The following LRRC49 variants were observed in gnomAD, a reference collection of about 807,000 sequenced individuals.
LRRC49 encodes leucine-rich repeat-containing protein 49.
Under a neutral mutation model 83.3 loss-of-function variants are expected in LRRC49, and 50 were observed. The ratio of observed to expected loss-of-function variants is 0.60; its 90% confidence interval spans 0.48 to 0.76. The LOEUF is 0.76. LRRC49 is among the 30% of genes least tolerant of loss of function. The pLI, the probability that LRRC49 is intolerant of heterozygous loss-of-function variation, is 0.00. For missense variants in LRRC49, 704 were observed against 809.1 expected (o/e 0.87, Z 1.58); for synonymous variants, 286 against 283.3 (o/e 1.01, Z -0.10).
intron 9 of LRRC49, among the ~76,000 whole-genome samples, chr15:70,971,050 T>C (rs2036977394): frequency 6.6e-6 from 1 of 152,222 alleles, no homozygotes. Flanking sequence ...TGCTCTTGCT[T>C]CTCTAATTCT....
intron 1 of LRRC49, among the ~76,000 whole-genome samples, chr15:70,867,680 C>T (rs1534615): frequency 0.53 from 80,808 of 152,046 alleles, 22,557 homozygotes; most frequent in Admixed American, 0.69. Context: ...TGCCATGGGC[C>T]TAACAGTCCT....
intron 2 of LRRC49, among the ~76,000 whole-genome samples, chr15:70,884,631 C>G (rs978122112): frequency 6.6e-6 from 1 of 152,042 alleles, no homozygotes; most frequent in African/African-American, 2.4e-5. Flanking sequence ...TTTATCTCCA[C>G]GTTTATTAAA....
At chr15:70,987,500 A>G (rs979710066) in intron 11 of LRRC49, among the ~76,000 whole-genome samples, 1 of 151,754 alleles carries the variant, frequency 6.6e-6, no homozygotes, top group African/African-American at 2.4e-5. Context: ...ATCATTTTTT[A>G]TTGCGTCTAT....
chr15:70,984,128 G>T lies in LRRC49; in HGVS notation c.1040G>T (p.Arg347Leu), dbSNP rs572002083. The T allele has an allele frequency of 1.3e-6, 2 of 1,599,566 alleles. No homozygotes were observed. The highest frequency in any genetic ancestry group is 1.7e-6 in the Non-Finnish European group (2 of 1,173,772). Residue 347 changes from arginine to leucine, a missense_variant, in exon 11 of 16, where the codon CGA (arginine) becomes CTA (leucine). By Grantham distance (102) the Arg-to-Leu change is moderately radical. Coordinates refer to ENST00000260382, the MANE Select transcript of LRRC49 (RefSeq NM_017691.5). ...AGGTTAACAATTAACAACGTAGCTC[G>T]ACAGTGGGACTTGCAACAACAACGA... ...KKRLTINNVA[R>L]QWDLQQQRVA... is the part of the protein sequence containing the mutation.
intron 11 of LRRC49, among the ~76,000 whole-genome samples, chr15:70,997,794 G>A (rs1334896204): frequency 1.3e-5 from 2 of 152,068 alleles, no homozygotes; most frequent in Admixed American, 1.3e-4. Context: ...CTTTTAATTT[G>A]GGTAGTTTAA....
chr15:71,028,787 G>T (rs746320909), intron 14 of LRRC49, among the ~76,000 whole-genome samples: 10 of 152,052 alleles, frequency 6.6e-5, no homozygotes, highest in Non-Finnish European at 1.0e-4. Context: ...GATCAGTGGT[G>T]AACTCCCCTT....
At position 71,009,830 on chromosome 15, in the gene LRRC49, T is replaced by A; in HGVS notation, c.1431T>A (p.Asn477Lys). 1 of 1,611,754 alleles carries A rather than the reference T, an allele frequency of 6.2e-7. No homozygotes were observed. Among genetic ancestry groups the A allele is most frequent in the Non-Finnish European group, 8.5e-7 (1 of 1,178,506 alleles). ...NSLHLKFKETNLVMLQQFNAL... is the reference protein window; with the variant it reads ...NSLHLKFKETKLVMLQQFNAL... ...AGCACCTTAAATTCAAGGAAACAAA[T>A]CTTGTAATGCTGCAGCAATTTAACG... The change falls in exon 13 of 16, where the codon AAT becomes AAA. Residue 477 changes from asparagine (N) to lysine (K), a missense_variant. Asn to Lys is a moderately conservative substitution (Grantham distance 94). Coordinates refer to ENST00000260382, the MANE Select transcript of LRRC49 (RefSeq NM_017691.5).
Position 70,900,998 on chromosome 15 carries a change from T to A in LRRC49, c.270T>A (p.Leu90=). The A allele has an allele frequency of 6.2e-7, 1 of 1,610,092 alleles. No individual in the cohort carries two copies. ...ILQRSSEEKI[L]YSDRLSLERQ... is the part of the protein sequence containing the mutation. ...AACGTTCTTCTGAAGAGAAAATTCT[T>A]TACTCAGACAGGTTGAGCCTAGAAA... Residue 90 remains leucine (L), a synonymous_variant, in exon 4 of 16, where the codon CTT becomes CTA. Coordinates refer to ENST00000260382, the MANE Select transcript of LRRC49 (RefSeq NM_017691.5).
chr15:70,969,525 A>G (rs932357541), intron 9 of LRRC49, among the ~76,000 whole-genome samples: 1 of 152,136 alleles, frequency 6.6e-6, no homozygotes, highest in Admixed American at 6.5e-5. Flanking sequence ...AAGAAAGTCA[A>G]TGGTAGCTTG....
At chr15:70,897,103 TAA>T (rs1259992312) in intron 3 of LRRC49, among the ~76,000 whole-genome samples, 1 of 152,208 alleles carries the variant, frequency 6.6e-6, no homozygotes, top group Non-Finnish European at 1.5e-5. Context: ...AACAATATCT[TAA>T]AAGTTTTCCC....
At chr15:70,904,441 T>G (rs2034213807) in intron 4 of LRRC49, 111 bp from the exon 5 acceptor site, 4 of 694,192 alleles carry the variant, frequency 5.8e-6, no homozygotes. Flanking sequence ...GTGGTCCAAC[T>G]TATTTTTTTC....
At chr15:70,981,323 A>C (rs949260530) in intron 10 of LRRC49, among the ~76,000 whole-genome samples, 4 of 136,366 alleles carry the variant, frequency 2.9e-5, no homozygotes, top group Non-Finnish European at 6.3e-5. Flanking sequence ...GGAGGGGAAC[A>C]TCACACACCG....
At chr15:70,877,646 G>C (rs1001265180) in intron 2 of LRRC49, among the ~76,000 whole-genome samples, 11 of 152,178 alleles carry the variant, frequency 7.2e-5, no homozygotes, top group African/African-American at 2.4e-4. Context: ...TTGTGTAAAA[G>C]TCTTTGTGTG....
intron 12 of LRRC49, 118 bp from the exon 13 acceptor site, chr15:71,009,689 T>C (rs892451234): frequency 6.3e-6 from 4 of 631,536 alleles, no homozygotes; most frequent in Non-Finnish European, 1.1e-5. Flanking sequence ...TGAAAACATA[T>C]TTGCTAAGCC....
intron 11 of LRRC49, among the ~76,000 whole-genome samples, chr15:70,986,109 C>A (rs113537542): frequency 6.7e-6 from 1 of 150,184 alleles, no homozygotes; most frequent in East Asian, 2.0e-4. Flanking sequence ...ATTGACTTGG[C>A]GATGTGGGCT....
chr15:71,034,190 GA>G (rs1419387612), intron 14 of LRRC49, among the ~76,000 whole-genome samples: 1 of 151,686 alleles, frequency 6.6e-6, no homozygotes, highest in African/African-American at 2.4e-5. Flanking sequence ...AAATTTACAA[GA>G]AAAAAACAAA....
chr15:70,964,051 T>C, intron 9 of LRRC49, 119 bp downstream of exon 9: 1 of 911,742 alleles, frequency 1.1e-6, no homozygotes, highest in African/African-American at 1.7e-5. Context: ...GTTATCATGA[T>C]TGTATACTTC....
chr15:70,860,176 C>G (rs1036414727), intron 1 of LRRC49: 3 of 668,596 alleles, frequency 4.5e-6, no homozygotes, highest in Admixed American at 4.4e-5. Context: ...GACGCGGCAG[C>G]CCCTCCCATC....
In LRRC49 at chr15:70,882,482, G is replaced by A. The variant is rs536371046; in HGVS notation, c.18+9259G>A. On this transcript the variant is annotated intron_variant, in intron 2 of 16. Coordinates refer to the LRRC49 transcript ENST00000544974. ...ACATGTTTCTTCTTTCACCTGTACA[G>A]CCATATAAGACAAATCACTCTGTTC... 27 of 1,613,128 alleles carry A rather than the reference G, an allele frequency of 1.7e-5. 1 individual carries two copies. The South Asian group carries it at 2.7e-4, about 16-fold the overall frequency.
Sources: allele counts gnomAD v4.1 joint callset (sites outside exome capture counted in the v4.1 genomes callset), GRCh38; gene constraint gnomAD v4.1.1; transcripts MANE v1.5; gene names NCBI Gene and HGNC (gene_info 2026-07-23, HGNC 2026-07-21).